Variants in SLIT2 observed in about 807,000 individuals in gnomAD.
The protein encoded by SLIT2 is slit homolog 2 protein.
Under a neutral mutation model 185.7 loss-of-function variants are expected in SLIT2, and 41 were observed. That is an observed-to-expected ratio of 0.22 (90% CI 0.17 to 0.29). The LOEUF is 0.29. Among genes scored for constraint, SLIT2 ranks in the 10% least tolerant of loss-of-function variants. The pLI is 1.00. For missense variants in SLIT2, 1,571 were observed against 1,909.0 expected (o/e 0.82, Z 3.30); for synonymous variants, 693 against 680.2 (o/e 1.02, Z -0.29).
chr4:20,372,773 G>T (rs901532279), intron 4 of SLIT2, among the ~76,000 whole-genome samples: 3 of 152,046 alleles, frequency 2.0e-5, no homozygotes, highest in Admixed American at 1.3e-4. Flanking sequence ...AAAATTGAAA[G>T]CAAGTGTATT....
chr4:20,474,077 T>A (rs1444931438), intron 5 of SLIT2, among the ~76,000 whole-genome samples: 1 of 152,056 alleles, frequency 6.6e-6, no homozygotes, highest in Non-Finnish European at 1.5e-5. Context: ...TAGGGATTGC[T>A]ATCCTTACTC....
intron 4 of SLIT2, among the ~76,000 whole-genome samples, chr4:20,275,667 T>C (rs548144866): frequency 2.0e-5 from 3 of 152,284 alleles, no homozygotes; most frequent in African/African-American, 7.2e-5. Flanking sequence ...CCATGTTATT[T>C]CTCTTTACTT....
intron 26 of SLIT2, among the ~76,000 whole-genome samples, chr4:20,563,777 C>G (rs1295842840): frequency 3.3e-5 from 5 of 151,840 alleles, no homozygotes; most frequent in Non-Finnish European, 7.4e-5. Flanking sequence ...GTTCCTCCTA[C>G]CTATTCCAAC....
chr4:20,606,905 A>C (rs1304263078), intron 33 of SLIT2, among the ~76,000 whole-genome samples: 1 of 152,212 alleles, frequency 6.6e-6, no homozygotes, highest in East Asian at 1.9e-4. Context: ...GTTAGTGGTG[A>C]AAACACACGC....
intron 5 of SLIT2, among the ~76,000 whole-genome samples, chr4:20,474,107 A>G (rs557303415): frequency 2.4e-4 from 36 of 152,110 alleles, no homozygotes; most frequent in Middle Eastern, 6.8e-3. Flanking sequence ...AGAGGTCTTC[A>G]GTGTGGTATA....
rs199980183 is a variant in SLIT2 at position 20,616,970 on chromosome 4, G to A, written c.3908G>A (p.Ser1303Asn). 4.3e-5 allele frequency: 69 copies of A among 1,613,910 alleles called. No homozygotes were observed. The Admixed American group carries it at 6.0e-4, about 14-fold the overall frequency. The change falls in exon 35 of 37, where the codon AGC becomes AAC. Residue 1303 changes from serine to asparagine, a missense_variant. Physicochemically the swap from Ser to Asn is conservative, Grantham distance 46 (BLOSUM62 1). Around this residue, in one of 3 missense-constraint regions of SLIT2, gnomAD observed 146 missense variants for 247.4 expected, o/e 0.59. Transcript: ENST00000504154. ...CAGGCCCCTGGGCAGAACGGAACCA[G>A]CTTCCACGGCTGCATCCGGAACCTT... is the stretch of plus-strand genomic sequence containing the variant. Reference protein sequence around the residue: ...LRQAPGQNGTSFHGCIRNLYI... With the variant: ...LRQAPGQNGTNFHGCIRNLYI...
chr4:20,548,359 T>C lies in SLIT2; in HGVS notation c.2346-129T>C, dbSNP rs1220904790. 5.0e-5 allele frequency: 30 copies of C among 603,352 alleles called. No homozygotes were observed. The Admixed American group carries it at 9.0e-4, about 18-fold the overall frequency. The allele number at this position is 603,352 out of a possible 1,614,324, so 37.4% of individuals were successfully genotyped here. ...CTCCAGTGGGTCGTTCACTGTTTTA[T>C]TGTTTTCAGATAACAGCTGAATGCT... On this transcript the variant is annotated intron_variant, in intron 22 of 36. Coordinates refer to ENST00000504154, the MANE Select transcript of SLIT2 (RefSeq NM_004787.4).
At chr4:20,388,383 CTTGAGCTAAATTTTAAAA>C (rs1725099609) in intron 4 of SLIT2, among the ~76,000 whole-genome samples, 1 of 152,066 alleles carries the variant, frequency 6.6e-6, no homozygotes, top group Admixed American at 6.6e-5. Flanking sequence ...AACTCAATGA[CTTGAGCTAAATTTTAAAA>C]TAGGGTTAGG....
At chr4:20,490,302 A>T (rs1717666388) in intron 8 of SLIT2, among the ~76,000 whole-genome samples, 1 of 152,134 alleles carries the variant, frequency 6.6e-6, no homozygotes, top group Admixed American at 6.5e-5. Flanking sequence ...TGCTGTGAAA[A>T]AGAATATCCT....
intron 18 of SLIT2, among the ~76,000 whole-genome samples, chr4:20,535,862 A>G (rs1722222747): frequency 1.3e-5 from 1 of 77,586 alleles, no homozygotes. Flanking sequence ...CTTTCCAAAT[A>G]TACGTATGTT....
chr4:20,617,066 C>T lies in SLIT2; in HGVS notation c.4004C>T (p.Pro1335Leu), dbSNP rs1729713474. The T allele has an allele frequency of 1.2e-6, 2 of 1,614,198 alleles. No homozygotes were observed. The highest frequency in any genetic ancestry group is 2.2e-5 in the South Asian group (2 of 91,084). The change falls in exon 35 of 37, where the codon CCA becomes CTA. Residue 1335 changes from proline to leucine, a missense_variant. Physicochemically the swap from Pro to Leu is moderately conservative, Grantham distance 98. Transcript: ENST00000504154. ...ACAGGCATTTTGCCTGGCTGTGAGC[C>T]ATGCCACAAGAAGGTGTGTGCCCAT... ...MQTGILPGCE[P>L]CHKKVCAHGT...
intron 4 of SLIT2, among the ~76,000 whole-genome samples, chr4:20,295,989 A>T (rs1294713486): frequency 1.3e-5 from 2 of 152,266 alleles, no homozygotes; most frequent in Non-Finnish European, 2.9e-5. Flanking sequence ...TATATGAAGT[A>T]TATTCAATCC....
At chr4:20,526,215 G>C (rs181650587) in intron 15 of SLIT2, among the ~76,000 whole-genome samples, 1 of 152,202 alleles carries the variant, frequency 6.6e-6, no homozygotes, top group Admixed American at 6.5e-5. Context: ...ATATTTGTTA[G>C]CTTGCCATTA....
chr4:20,600,792 T>G (rs1232506552), intron 33 of SLIT2, among the ~76,000 whole-genome samples: 1 of 152,098 alleles, frequency 6.6e-6, no homozygotes, highest in East Asian at 1.9e-4. Flanking sequence ...TTTTGGCTTA[T>G]GACCAAAAAA....
At chr4:20,330,981 T>A (rs543123105) in intron 4 of SLIT2, among the ~76,000 whole-genome samples, 1 of 152,188 alleles carries the variant, frequency 6.6e-6, no homozygotes, top group South Asian at 2.1e-4. Flanking sequence ...TGTAAGAAAG[T>A]CAGAAAATAA....
intron 18 of SLIT2, among the ~76,000 whole-genome samples, chr4:20,534,696 G>A (rs540122481): frequency 1.1e-4 from 17 of 152,038 alleles, no homozygotes; most frequent in Non-Finnish European, 2.1e-4. Context: ...ATCCTGCCCC[G>A]CACAGCCTGT....
In SLIT2 at chr4:20,589,769, C is replaced by A; in HGVS notation, c.3182+32C>A. The A allele has an allele frequency of 2.6e-6, 4 of 1,511,660 alleles. No individual in the cohort carries two copies. In the South Asian group the frequency reaches 3.5e-5, roughly 13 times the overall value. The allele number at this position is 1,511,660 out of a possible 1,614,324, so 93.6% of individuals were successfully genotyped here. A position where few individuals can be genotyped will look rare whatever the true frequency, so the allele number is the denominator to read the frequency against. On this transcript the variant is annotated intron_variant, in intron 30 of 36. Coordinates refer to ENST00000504154, the MANE Select transcript of SLIT2 (RefSeq NM_004787.4). Reference sequence around the variant, plus strand: ...CAAAAGCTACCTTTTTGCTCACAGTCAGGGTAGGGGACCCATTATTTTAGG... The same window carrying A: ...CAAAAGCTACCTTTTTGCTCACAGTAAGGGTAGGGGACCCATTATTTTAGG...
chr4:20,409,174 T>C (rs1727006880), intron 4 of SLIT2, among the ~76,000 whole-genome samples: 1 of 152,152 alleles, frequency 6.6e-6, no homozygotes, highest in Admixed American at 6.5e-5. Context: ...CATCTAGATA[T>C]TAAGCCCAGT....
chr4:20,616,878 A>C, intron 34 of SLIT2, 32 bp from the exon 35 acceptor site: 1 of 1,554,762 alleles, frequency 6.4e-7, no homozygotes, highest in Non-Finnish European at 8.7e-7. Flanking sequence ...ATCCCCAGAG[A>C]GCCTGACCTC....
Sources: allele counts gnomAD v4.1 joint callset (sites outside exome capture counted in the v4.1 genomes callset), GRCh38; gene constraint gnomAD v4.1.1; regional missense constraint gnomAD v4.1.1; transcripts MANE v1.5; gene names NCBI Gene and HGNC (gene_info 2026-07-23, HGNC 2026-07-21).